PCDHGA6: variants seen among roughly 807,000 people sequenced by gnomAD.
PCDHGA6 encodes protocadherin gamma subfamily A, 6.
A neutral mutation model predicts 60.6 loss-of-function variants in PCDHGA6; 41 were observed. The observed-to-expected ratio is 0.68, with a 90% CI of 0.53 to 0.88. The LOEUF (loss-of-function observed/expected upper bound fraction) is 0.88. Among genes scored for constraint, PCDHGA6 ranks in the 40% least tolerant of loss-of-function variants. PCDHGA6 has a pLI of 0.00. For synonymous variants in PCDHGA6, 594 were observed against 524.4 expected (o/e 1.13, Z -1.81); for missense variants, 1,312 against 1,203.0 (o/e 1.09, Z -1.34).
Position 141,432,147 on chromosome 5 carries a change from A to G in PCDHGA6, c.2424+55640A>G. 6.2e-7 allele frequency: 1 copy of G among 1,614,066 alleles called. No individual in the cohort carries two copies. The highest frequency in any genetic ancestry group is 8.5e-7 in the Non-Finnish European group (1 of 1,179,998). ...GCCTCCTATTCCGCTTATATCCCAG[A>G]GAACAATCCCAGAGGAGTTTCCCTC... On this transcript the variant is annotated intron_variant, in intron 1 of 3. Transcript: ENST00000517434. The surrounding 1 kb of genome is among the most constrained non-coding windows in gnomAD (Gnocchi z 6.0).
At position 141,512,630 on chromosome 5, in the gene PCDHGA6, G is replaced by C. The variant is rs1335322474; in HGVS notation, c.*1457G>C. On this transcript the variant is annotated 3_prime_UTR_variant, in exon 4 of 4. Transcript: ENST00000517434. ...GGGGCTGCCAGAGAACCCCAGACCT[G>C]CCCTTACAGTAGTGTAGCGCCCCCT... The C allele has an allele frequency of 6.5e-6, 1 of 152,888 alleles. No individual in the cohort carries two copies. Among genetic ancestry groups the C allele is most frequent in the Non-Finnish European group, 1.5e-5 (1 of 68,576 alleles). 9.5% of individuals were successfully genotyped at this position (152,888 alleles called of 1,614,324 possible).
At position 141,416,345 on chromosome 5, in the gene PCDHGA6, A is replaced by T. The variant is rs542527661; in HGVS notation, c.2424+39838A>T. ...ATTTAACTTTCATTGCTCAATAGGG[A>T]TCCTGAGGAGGCTATAGAGGGTGAA... On this transcript the variant is annotated intron_variant, in intron 1 of 3. Transcript: ENST00000517434. The T allele has an allele frequency of 4.6e-5, 7 of 152,330 alleles. No homozygotes were observed. In the East Asian group the frequency reaches 1.3e-3, roughly 29 times the overall value. The allele number at this position is 152,330 out of a possible 1,614,324, so 9.4% of individuals were successfully genotyped here. A position where few individuals can be genotyped will look rare whatever the true frequency, so the allele number is the denominator to read the frequency against.
chr5:141,399,745 G>A (rs1472441281), intron 1 of PCDHGA6: 2 of 1,613,194 alleles, frequency 1.2e-6, no homozygotes, highest in African/African-American at 2.7e-5. Flanking sequence ...TGCGCTCAGC[G>A]CAAACGTGAG....
At chr5:141,429,408 T>A (rs2097213256) in intron 1 of PCDHGA6, among the ~76,000 whole-genome samples, 1 of 151,838 alleles carries the variant, frequency 6.6e-6, no homozygotes, top group Non-Finnish European at 1.5e-5. Flanking sequence ...GAGATTAAGG[T>A]CTCATTATGT....
Position 141,375,222 on chromosome 5 carries a change from G to C in PCDHGA6, c.1139G>C (p.Gly380Ala). 6.2e-7 allele frequency: 1 copy of C among 1,613,926 alleles called. No individual in the cohort carries two copies. Among genetic ancestry groups the C allele is most frequent in the Non-Finnish European group, 8.5e-7 (1 of 1,179,878 alleles). ...TTCGATCGAGACTCTGGCCTGAATG[G>C]CCTGGTAACCTGTTCCATCCCGAGA... Reference protein sequence around the residue: ...QVFDRDSGLNGLVTCSIPRSL... With the variant: ...QVFDRDSGLNALVTCSIPRSL... The change falls in exon 1 of 4, where the codon GGC (glycine) becomes GCC (alanine). Residue 380 changes from glycine (G) to alanine (A), a missense_variant. By Grantham distance (60) the Gly-to-Ala change is moderately conservative (BLOSUM62 0). Transcript: ENST00000517434.
At chr5:141,492,954 A>G (rs2099745299) in intron 1 of PCDHGA6, among the ~76,000 whole-genome samples, 1 of 152,212 alleles carries the variant, frequency 6.6e-6, no homozygotes, top group Non-Finnish European at 1.5e-5. Context: ...TGACCAAACT[A>G]TCTGACACTC....
In PCDHGA6 at chr5:141,383,217, T is replaced by C. The variant is rs367646444; in HGVS notation, c.2424+6710T>C. The stretch of plus-strand genomic sequence containing the variant: ...AGAGTGCGCGGTGTCTGGTAAACTT[T>C]AACATCCTGATGGAAGATAAAATGA... On this transcript the variant is annotated intron_variant, in intron 1 of 3. Coordinates refer to ENST00000517434, the MANE Select transcript of PCDHGA6 (RefSeq NM_018919.3). 8.1e-6 allele frequency: 13 copies of C among 1,613,876 alleles called. 1 individual carries two copies. The Admixed American group carries it at 1.0e-4, about 12-fold the overall frequency.
In PCDHGA6 at chr5:141,489,180, CTGGGTCTACCT is replaced by C. The variant is rs906371381; in HGVS notation, c.2425-5623_2425-5613del. 6.3e-5 allele frequency: 79 copies of C among 1,259,748 alleles called. No individual in the cohort carries two copies. The African/African-American group carries it at 9.3e-4, about 15-fold the overall frequency. 78.0% of individuals were successfully genotyped at this position (1,259,748 alleles called of 1,614,324 possible). ...GACTTCAGCTGCTGCATTCCAAGCCCTGGGTCTACCTTGGAGACAGGACAGCACAGACTTAC... is the reference window on the plus strand; with the variant it reads ...GACTTCAGCTGCTGCATTCCAAGCCCTGGAGACAGGACAGCACAGACTTAC... On this transcript the variant is annotated intron_variant, in intron 1 of 3. Coordinates refer to ENST00000517434, the MANE Select transcript of PCDHGA6 (RefSeq NM_018919.3). This position sits in a 1 kb window ranked among gnomAD's most constrained non-coding sequence, Gnocchi z 4.5.
chr5:141,412,967 A>G, intron 1 of PCDHGA6: 1 of 520,650 alleles, frequency 1.9e-6, no homozygotes, highest in Non-Finnish European at 3.3e-6. Context: ...CTACTAGGAG[A>G]GAAAACGCAG....
At chr5:141,495,591 C>G (rs2099762279) in intron 2 of PCDHGA6, among the ~76,000 whole-genome samples, 3 of 152,222 alleles carry the variant, frequency 2.0e-5, no homozygotes, top group African/African-American at 7.2e-5. Context: ...CCATCTCTGT[C>G]TTAGCTTCCG....
At chr5:141,410,147 G>T in intron 1 of PCDHGA6, 1 of 1,612,952 alleles carries the variant, frequency 6.2e-7, no homozygotes, top group Non-Finnish European at 8.5e-7. Flanking sequence ...TGTGCGTGAC[G>T]GTGGACAGCC....
chr5:141,376,217 C>T lies in PCDHGA6; in HGVS notation c.2134C>T (p.Leu712=), dbSNP rs1387510502. The change falls in exon 1 of 4, where the codon CTG becomes TTG. Residue 712 remains leucine (L), a synonymous_variant. Transcript: ENST00000517434. Reference sequence around the variant, plus strand: ...CTTCCTGGCCTTCGTCATCGTGCTGCTGGCGCTCAGACTGCAGCGCTGGCA... The same window carrying T: ...CTTCCTGGCCTTCGTCATCGTGCTGTTGGCGCTCAGACTGCAGCGCTGGCA... ...CVFLAFVIVL[L]ALRLQRWHKS... The T allele has an allele frequency of 6.2e-7, 1 of 1,614,210 alleles. No homozygotes were observed. Among genetic ancestry groups the T allele is most frequent in the Non-Finnish European group, 8.5e-7 (1 of 1,180,034 alleles).
At chr5:141,426,925 A>G in intron 1 of PCDHGA6, 1 of 456,756 alleles carries the variant, frequency 2.2e-6, no homozygotes, top group Non-Finnish European at 4.4e-6. Flanking sequence ...GAAGCAATGG[A>G]CATGGGTGAC....
intron 1 of PCDHGA6, chr5:141,423,760 G>GGT: frequency 7.2e-6 from 2 of 279,662 alleles, no homozygotes; most frequent in Non-Finnish European, 1.1e-5. Context: ...TGGGGGGGGG[G>GGT]TGGGGCGGCA....
In PCDHGA6 at chr5:141,386,024, TG is replaced by T. The variant is rs758923656; in HGVS notation, c.2424+9518del. The T allele has an allele frequency of 2.6e-5, 4 of 152,242 alleles. No homozygotes were observed. The East Asian group carries it at 5.8e-4, about 22-fold the overall frequency. 9.4% of individuals were successfully genotyped at this position (152,242 alleles called of 1,614,324 possible). On this transcript the variant is annotated intron_variant, in intron 1 of 3. Transcript: ENST00000517434. ...CATTTTAAGTGTTGTAATTGGCATTTGTGACATAGGCAATTACATGTTTTAA... is the reference window on the plus strand; with the variant it reads ...CATTTTAAGTGTTGTAATTGGCATTTTGACATAGGCAATTACATGTTTTAA...
chr5:141,389,694 T>C, intron 1 of PCDHGA6: 1 of 1,612,590 alleles, frequency 6.2e-7, no homozygotes, highest in South Asian at 1.1e-5. Flanking sequence ...CTGGCTGTCC[T>C]ACCACGTGCT....
intron 1 of PCDHGA6, among the ~76,000 whole-genome samples, chr5:141,456,250 C>T (rs1244300374): frequency 4.6e-5 from 7 of 152,014 alleles, no homozygotes; most frequent in African/African-American, 1.7e-4. Context: ...AGGCTTTGGG[C>T]GACCATTGCT....
chr5:141,446,353 T>C (rs1278613929), intron 1 of PCDHGA6, among the ~76,000 whole-genome samples: 2 of 152,176 alleles, frequency 1.3e-5, no homozygotes, highest in Non-Finnish European at 2.9e-5. Flanking sequence ...AAGCTACCAT[T>C]TGATGAGAAT....
intron 2 of PCDHGA6, among the ~76,000 whole-genome samples, chr5:141,496,411 CT>C (rs1266082660): frequency 6.6e-6 from 1 of 152,190 alleles, no homozygotes; most frequent in African/African-American, 2.4e-5. Context: ...TGGTTGAGTA[CT>C]TGCTGTCCAC....
Sources: gnomAD v4.1 joint callset for allele counts (sites outside exome capture counted in the v4.1 genomes callset) on GRCh38, gnomAD v4.1.1 for gene constraint, Gnocchi (gnomAD v3.1) non-coding constraint, MANE v1.5 for transcripts, NCBI Gene and HGNC (gene_info 2026-07-23, HGNC 2026-07-21) for gene names.